The following OR7D4 variants were observed in gnomAD, a reference collection of about 807,000 sequenced individuals.
OR7D4 encodes olfactory receptor 7D4.
For missense variants in OR7D4, 319 were observed against 377.1 expected (o/e 0.85, Z 1.27); for synonymous variants, 154 against 158.4 (o/e 0.97, Z 0.21).
chr19:9,219,192 G>T lies in OR7D4; in HGVS notation c.-14+8C>A, dbSNP rs2051238327. 1 of 152,094 alleles carries T rather than the reference G, an allele frequency of 6.6e-6. No homozygotes were observed. Among genetic ancestry groups the T allele is most frequent in the Non-Finnish European group, 1.5e-5 (1 of 68,026 alleles). 9.4% of individuals were successfully genotyped at this position (152,094 alleles called of 1,614,324 possible). On this transcript the variant is annotated splice_region_variant and intron_variant, in intron 1 of 1. Coordinates refer to ENST00000641669, the MANE Select transcript of OR7D4 (RefSeq NM_001005191.3). ...AATCCAATCACATTAGGAACACATAGACAATACCTTGAGCATAGTAGATCT... is the reference window on the plus strand; with the variant it reads ...AATCCAATCACATTAGGAACACATATACAATACCTTGAGCATAGTAGATCT...
At position 9,213,752 on chromosome 19, in the gene OR7D4, TAAC is replaced by T. The variant is rs142562246; in HGVS notation, c.*144_*146del. On this transcript the variant is annotated 3_prime_UTR_variant, in exon 2 of 2. Coordinates refer to ENST00000641669, the MANE Select transcript of OR7D4 (RefSeq NM_001005191.3). ...GACTCTGTCTCAAAAACAATAACAA[TAAC>T]AACAACAAACAACCCAATAACAACA... 0.016 allele frequency: 9,941 copies of T among 636,116 alleles called. 755 individuals carry two copies. The African/African-American group carries it at 0.16, about 10-fold the overall frequency. 39.4% of individuals were successfully genotyped at this position (636,116 alleles called of 1,614,324 possible). A position where few individuals can be genotyped will look rare whatever the true frequency, so the allele number is the denominator to read the frequency against.
At chr19:9,215,827 A>C (rs1300116122) in intron 1 of OR7D4, among the ~76,000 whole-genome samples, 5 of 152,226 alleles carry the variant, frequency 3.3e-5, no homozygotes, top group Admixed American at 3.3e-4. Context: ...ATTTTCTGAA[A>C]TCAGACTTTT....
rs2051196126 is a variant in OR7D4, at chr19:9,214,493, C to T, written c.345G>A (p.Leu115=). ...CAAACCGGTCATAGGCCATCACGGC[C>T]AGTAGGAAAGTATCCATTCCAGCAA... The part of the protein sequence containing the change: ...MMFAGMDTFL[L]AVMAYDRFVA... Residue 115 remains leucine (L), a synonymous_variant, in exon 2 of 2, where the codon CTG becomes CTA. Coordinates refer to ENST00000641669, the MANE Select transcript of OR7D4 (RefSeq NM_001005191.3). The T allele has an allele frequency of 6.2e-7, 1 of 1,613,966 alleles. No individual in the cohort carries two copies. The highest frequency in any genetic ancestry group is 1.3e-5 in the African/African-American group (1 of 74,894).
In OR7D4 at chr19:9,211,489, G is replaced by A. The variant is rs1250006756; in HGVS notation, c.*2410C>T. The stretch of plus-strand genomic sequence containing the variant: ...CCAATGCATAAAATCTCAAATTACA[G>A]GCAAGGAGTATAGAAAGTAAAATAG... On this transcript the variant is annotated 3_prime_UTR_variant, in exon 2 of 2. Transcript: ENST00000641669. 6.6e-6 allele frequency: 1 copy of A among 152,180 alleles called. No individual in the cohort carries two copies. 9.4% of individuals were successfully genotyped at this position (152,180 alleles called of 1,614,324 possible). A position where few individuals can be genotyped will look rare whatever the true frequency, so the allele number is the denominator to read the frequency against.
rs191891240 is a variant in OR7D4 at position 9,216,833 on chromosome 19, C to T, written c.-13-1983G>A. On this transcript the variant is annotated intron_variant, in intron 1 of 1. Coordinates refer to ENST00000641669, the MANE Select transcript of OR7D4 (RefSeq NM_001005191.3). ...TTTTGAACTCCTGGGCTCAAGTGATCCACCCACCTTGGCCTCCCAATGTGC... is the reference window on the plus strand; with the variant it reads ...TTTTGAACTCCTGGGCTCAAGTGATTCACCCACCTTGGCCTCCCAATGTGC... Among the ~76,000 whole-genome samples, 22 of 152,304 alleles carry T rather than the reference C, an allele frequency of 1.4e-4. No homozygotes were observed. The East Asian group carries it at 4.2e-3, about 29-fold the overall frequency.
At chr19:9,216,176 A>G (rs2051209554) in intron 1 of OR7D4, among the ~76,000 whole-genome samples, 1 of 152,172 alleles carries the variant, frequency 6.6e-6, no homozygotes, top group Non-Finnish European at 1.5e-5. Context: ...TGGGAATTCA[A>G]GATGAGATCT....
At position 9,213,740 on chromosome 19, in the gene OR7D4, AAACAAT is replaced by A; in HGVS notation, c.*153_*158del. 3.2e-6 allele frequency: 2 copies of A among 624,712 alleles called. No homozygotes were observed. The highest frequency in any genetic ancestry group is 5.5e-6 in the Non-Finnish European group (2 of 361,124). The allele number at this position is 624,712 out of a possible 1,614,324, so 38.7% of individuals were successfully genotyped here. Reference sequence around the variant, plus strand: ...GCGACAGAGCCAGACTCTGTCTCAAAAACAATAACAATAACAACAACAAACAACCCA... The same window carrying A: ...GCGACAGAGCCAGACTCTGTCTCAAAAACAATAACAACAACAAACAACCCA... On this transcript the variant is annotated 3_prime_UTR_variant, in exon 2 of 2. Transcript: ENST00000641669.
chr19:9,214,511 TC>T lies in OR7D4; in HGVS notation c.326del (p.Gly109GlufsTer9). The T allele has an allele frequency of 6.2e-7, 1 of 1,614,146 alleles. No individual in the cohort carries two copies. Among genetic ancestry groups the T allele is most frequent in the Non-Finnish European group, 8.5e-7 (1 of 1,180,026 alleles). ...TQVYFLMMFA[G>X]MDTFLLAVMA... Reference sequence around the variant, plus strand: ...TCACGGCCAGTAGGAAAGTATCCATTCCAGCAAACATCATTAAAAAATACAC... The same window carrying T: ...TCACGGCCAGTAGGAAAGTATCCATTCAGCAAACATCATTAAAAAATACAC... On this transcript the variant is annotated frameshift_variant, in exon 2 of 2. Coordinates refer to ENST00000641669, the MANE Select transcript of OR7D4 (RefSeq NM_001005191.3). LOFTEE classifies it low-confidence loss of function (END_TRUNC).
intron 1 of OR7D4, 99 bp from the exon 2 acceptor site, chr19:9,214,949 C>T (rs995640587): frequency 3.9e-5 from 25 of 642,144 alleles, no homozygotes; most frequent in Non-Finnish European, 6.5e-5. Context: ...ACATTTGTCA[C>T]CCTTCCTGGA....
chr19:9,216,567 A>C (rs954188512), intron 1 of OR7D4, among the ~76,000 whole-genome samples: 1 of 152,078 alleles, frequency 6.6e-6, no homozygotes, highest in East Asian at 1.9e-4. Context: ...CATACAATGG[A>C]TATTTCACAC....
rs1429089481 is a variant in OR7D4, at chr19:9,212,439, A to C, written c.*1460T>G. On this transcript the variant is annotated 3_prime_UTR_variant, in exon 2 of 2. Transcript: ENST00000641669. ...TTAGGATTAGTATGCATTCCAAATC[A>C]GTGAAAAATGATAATATCTTTTGAT... The C allele has an allele frequency of 6.6e-6, 1 of 152,208 alleles. No individual in the cohort carries two copies. The highest frequency in any genetic ancestry group is 2.4e-5 in the African/African-American group (1 of 41,456). 9.4% of individuals were successfully genotyped at this position (152,208 alleles called of 1,614,324 possible).
rs560191908 is a variant in OR7D4 at position 9,210,792 on chromosome 19, T to A, written c.*3107A>T. 43 of 152,198 alleles carry A rather than the reference T, an allele frequency of 2.8e-4. No homozygotes were observed. Among genetic ancestry groups the A allele is most frequent in the African/African-American group, 1.0e-3 (43 of 41,510 alleles). 9.4% of individuals were successfully genotyped at this position (152,198 alleles called of 1,614,324 possible). A position where few individuals can be genotyped will look rare whatever the true frequency, so the allele number is the denominator to read the frequency against. ...TTCTTGATGAGCAACAATCAGAAGC[T>A]GCTGGGAACACTTGCTGAATTTAGG... is the stretch of plus-strand genomic sequence containing the variant. On this transcript the variant is annotated 3_prime_UTR_variant, in exon 2 of 2. Coordinates refer to ENST00000641669, the MANE Select transcript of OR7D4 (RefSeq NM_001005191.3).
chr19:9,218,752 C>T (rs565500000), intron 1 of OR7D4, among the ~76,000 whole-genome samples: 14 of 152,144 alleles, frequency 9.2e-5, no homozygotes, highest in African/African-American at 2.9e-4. Flanking sequence ...TCTCAGTCTC[C>T]CGAGTAACTG....
rs1277831025 is a variant in OR7D4, at chr19:9,211,551, AATG to A, written c.*2345_*2347del. 6.6e-6 allele frequency: 1 copy of A among 152,196 alleles called. No individual in the cohort carries two copies. The highest frequency in any genetic ancestry group is 1.5e-5 in the Non-Finnish European group (1 of 68,042). The allele number at this position is 152,196 out of a possible 1,614,324, so 9.4% of individuals were successfully genotyped here. On this transcript the variant is annotated 3_prime_UTR_variant, in exon 2 of 2. Coordinates refer to ENST00000641669, the MANE Select transcript of OR7D4 (RefSeq NM_001005191.3). ...TAGAAACATAAATCTGAACTTCAAG[AATG>A]AAAGTAGTGGCTGGGTGTGGTGGGT... is the stretch of plus-strand genomic sequence containing the variant.
chr19:9,218,809 T>C (rs1448535832), intron 1 of OR7D4, among the ~76,000 whole-genome samples: 2 of 152,038 alleles, frequency 1.3e-5, no homozygotes, highest in Non-Finnish European at 2.9e-5. Context: ...TTTTTGTTAT[T>C]GTTTAGTAGA....
chr19:9,216,937 A>C (rs1245877523), intron 1 of OR7D4, among the ~76,000 whole-genome samples: 1 of 152,212 alleles, frequency 6.6e-6, no homozygotes, highest in Admixed American at 6.5e-5. Context: ...TTTCATGGCT[A>C]TCATTTATCA....
At position 9,214,735 on chromosome 19, in the gene OR7D4, A is replaced by T. The variant is rs370418867; in HGVS notation, c.103T>A (p.Tyr35Asn). The T allele has an allele frequency of 6.8e-6, 11 of 1,614,004 alleles. No homozygotes were observed. Among genetic ancestry groups the T allele is most frequent in the Non-Finnish European group, 7.6e-6 (9 of 1,179,976 alleles). Residue 35 changes from tyrosine (Y) to asparagine (N), a missense_variant, in exon 2 of 2, where the codon TAC (tyrosine) becomes AAC (asparagine). By Grantham distance (143) the Tyr-to-Asn change is moderately radical. Coordinates refer to ENST00000641669, the MANE Select transcript of OR7D4 (RefSeq NM_001005191.3). Reference protein sequence around the residue: ...PVLFGLFLSMYLVTVLGNLLI... With the variant: ...PVLFGLFLSMNLVTVLGNLLI... The stretch of plus-strand genomic sequence containing the variant: ...AGGTTCCCCAGCACCGTGACCAGGT[A>T]CATGGACAGGAACAGCCCAAAGAGG...
rs1241695989 is a variant in OR7D4 at position 9,211,016 on chromosome 19, G to A, written c.*2883C>T. 1 of 152,262 alleles carries A rather than the reference G, an allele frequency of 6.6e-6. No homozygotes were observed. The highest frequency in any genetic ancestry group is 1.5e-5 in the Non-Finnish European group (1 of 68,056). The allele number at this position is 152,262 out of a possible 1,614,324, so 9.4% of individuals were successfully genotyped here. A position where few individuals can be genotyped will look rare whatever the true frequency, so the allele number is the denominator to read the frequency against. The stretch of plus-strand genomic sequence containing the variant: ...CTGACAGTACAATGTCTTGAATGGT[G>A]AGGAACTCTACCGGAAGGCAGAGGG... On this transcript the variant is annotated 3_prime_UTR_variant, in exon 2 of 2. Coordinates refer to ENST00000641669, the MANE Select transcript of OR7D4 (RefSeq NM_001005191.3).
Position 9,214,800 on chromosome 19 carries a change from A to G in OR7D4, c.38T>C (p.Leu13Pro). The G allele has an allele frequency of 6.2e-7, 1 of 1,610,972 alleles. No individual in the cohort carries two copies. The highest frequency in any genetic ancestry group is 8.5e-7 in the Non-Finnish European group (1 of 1,178,564). ...AENLTELSKFLLLGLSDDPEL... is the reference protein window; with the variant it reads ...AENLTELSKFPLLGLSDDPEL... ...AGGATCATCTGAGAGTCCCAGGAGG[A>G]GAAATTTTGATAATTCTGTAAGGTT... The change falls in exon 2 of 2, where the codon CTC becomes CCC. Residue 13 changes from leucine to proline, a missense_variant. By Grantham distance (98) the Leu-to-Pro change is moderately conservative (BLOSUM62 -3). Coordinates refer to ENST00000641669, the MANE Select transcript of OR7D4 (RefSeq NM_001005191.3).
Sources: allele counts gnomAD v4.1 joint callset (sites outside exome capture counted in the v4.1 genomes callset), GRCh38; gene constraint gnomAD v4.1.1; transcripts MANE v1.5; gene names NCBI Gene and HGNC (gene_info 2026-07-23, HGNC 2026-07-21).